SVIL: variants seen among roughly 807,000 people sequenced by gnomAD.
SVIL encodes the protein supervillin.
Under a neutral mutation model 240.4 loss-of-function variants are expected in SVIL, and 101 were observed. The ratio of observed to expected loss-of-function variants is 0.42; its 90% confidence interval spans 0.36 to 0.50. The LOEUF is 0.50. SVIL is among the 20% of genes least tolerant of loss of function. The pLI is 0.01. For missense variants in SVIL, 2,512 were observed against 2,818.7 expected, an observed-to-expected ratio of 0.89 and a Z score of 2.46; for synonymous variants, 999 against 1,100.0, an observed-to-expected ratio of 0.91 and a Z score of 1.82.
At chr10:29,468,625 TATATATATATAC>T (rs200036819) in intron 32 of SVIL, among the ~76,000 whole-genome samples, 1,989 of 151,246 alleles carry the variant, frequency 0.013, 37 homozygotes, top group African/African-American at 0.044. Context: ...ATAGTAGGTG[TATATATATATAC>T]ATATATATAT....
At position 29,530,605 on chromosome 10, in the gene SVIL, A is replaced by C; in HGVS notation, c.2106+2T>G. On this transcript the variant is annotated splice_donor_variant, in intron 11 of 37. Coordinates refer to ENST00000355867, the MANE Select transcript of SVIL (RefSeq NM_021738.3). LOFTEE classifies it high-confidence loss of function. Reference sequence around the variant, plus strand: ...CTATTCAAGCACGTCAGCACAGCTTACCCTGAAAAGCAACCTCTTGGCGGC... The same window carrying C: ...CTATTCAAGCACGTCAGCACAGCTTCCCCTGAAAAGCAACCTCTTGGCGGC... 1 of 1,614,074 alleles carries C rather than the reference A, an allele frequency of 6.2e-7. No homozygotes were observed. Among genetic ancestry groups the C allele is most frequent in the Non-Finnish European group, 8.5e-7 (1 of 1,179,998 alleles).
intron 1 of SVIL, among the ~76,000 whole-genome samples, chr10:29,592,756 A>C (rs2132809539): frequency 6.6e-6 from 1 of 152,326 alleles, no homozygotes; most frequent in East Asian, 1.9e-4. Flanking sequence ...TTTTCAAGCA[A>C]AATCTGTGTG....
At position 29,630,845 on chromosome 10, in the gene SVIL, C is replaced by T. The variant is rs753373243; in HGVS notation, c.-201+3575G>A. Among the ~76,000 whole-genome samples, 7 of 152,140 alleles carry T rather than the reference C, an allele frequency of 4.6e-5. No homozygotes were observed. The South Asian group carries it at 1.0e-3, about 23-fold the overall frequency. On this transcript the variant is annotated intron_variant, in intron 1 of 37. Transcript: ENST00000355867. Reference sequence around the variant, plus strand: ...TACTGGATGGATCACAGCCAAATTTCGATATGAAGAACCCACAAGTCGTTA... The same window carrying T: ...TACTGGATGGATCACAGCCAAATTTTGATATGAAGAACCCACAAGTCGTTA...
chr10:29,615,126 A>C (rs752611148), intron 1 of SVIL, among the ~76,000 whole-genome samples: 1 of 152,156 alleles, frequency 6.6e-6, no homozygotes, highest in African/African-American at 2.4e-5. Context: ...GTCAGACTTG[A>C]GGTTAGCAAA....
chr10:29,660,531 C>T (rs1326454246), intron 2 of SVIL, among the ~76,000 whole-genome samples: 2 of 151,764 alleles, frequency 1.3e-5, no homozygotes, highest in African/African-American at 4.8e-5. Flanking sequence ...TCGCTTGAGC[C>T]TGGGAGGTGG....
intron 1 of SVIL, among the ~76,000 whole-genome samples, chr10:29,577,129 T>A (rs1271261066): frequency 3.9e-5 from 6 of 152,192 alleles, no homozygotes; most frequent in Admixed American, 3.9e-4. Flanking sequence ...TCCACCTGCC[T>A]CGGTTTCCCA....
At chr10:29,694,661 T>C (rs1454451892) in intron 1 of SVIL, among the ~76,000 whole-genome samples, 7 of 152,166 alleles carry the variant, frequency 4.6e-5, no homozygotes, top group Non-Finnish European at 7.3e-5. Context: ...GGTTTTGCTA[T>C]GTTGGCCGGG....
intron 16 of SVIL, 102 bp from the exon 17 acceptor site, chr10:29,512,963 C>G (rs1949954318): frequency 8.3e-6 from 12 of 1,444,422 alleles, no homozygotes; most frequent in Non-Finnish European, 1.0e-5. Context: ...CAAGATATGA[C>G]CACAGCCGCC....
At chr10:29,596,494 G>T (rs1168338484) in intron 1 of SVIL, among the ~76,000 whole-genome samples, 1 of 152,040 alleles carries the variant, frequency 6.6e-6, no homozygotes, top group Non-Finnish European at 1.5e-5. Context: ...AAAATTATTT[G>T]CCTTTGCCCA....
At chr10:29,692,596 T>TTA (rs1254801282) in intron 1 of SVIL, among the ~76,000 whole-genome samples, 8 of 150,866 alleles carry the variant, frequency 5.3e-5, no homozygotes, top group Admixed American at 2.7e-4. Flanking sequence ...TCTCTGAACC[T>TTA]TATATATATA....
chr10:29,679,691 G>A (rs1960480563), intron 2 of SVIL, among the ~76,000 whole-genome samples: 1 of 151,610 alleles, frequency 6.6e-6, no homozygotes, highest in East Asian at 1.9e-4. Context: ...GAGCAGCTGG[G>A]ACCGCAGGCA....
At chr10:29,526,301 C>CTTTTTT (rs1950903617) in intron 13 of SVIL, among the ~76,000 whole-genome samples, 1 of 122,316 alleles carries the variant, frequency 8.2e-6, no homozygotes, top group Non-Finnish European at 1.8e-5. Context: ...CTTTTTTTCT[C>CTTTTTT]TTTCTTTTTT....
chr10:29,650,212 T>C (rs768264294), intron 3 of SVIL, among the ~76,000 whole-genome samples: 64 of 152,188 alleles, frequency 4.2e-4, no homozygotes, highest in Non-Finnish European at 9.0e-4. Flanking sequence ...TTCCAACTAA[T>C]ATTTTCTCAA....
intron 1 of SVIL, among the ~76,000 whole-genome samples, chr10:29,606,296 C>T (rs61849372): frequency 0.23 from 35,109 of 152,108 alleles, 5,177 homozygotes; most frequent in Non-Finnish European, 0.32. Context: ...CCTCCCGCCT[C>T]AGCCTCCCAA....
In SVIL at chr10:29,664,689, T is replaced by TAC. The variant is rs1314703677; in HGVS notation, c.-300-6622_-300-6621insGT. Among the ~76,000 whole-genome samples, 417 of 142,978 alleles carry TAC rather than the reference T, an allele frequency of 2.9e-3. 5 individuals are homozygous for TAC. Among genetic ancestry groups the TAC allele is most frequent in the African/African-American group, 0.011 (383 of 35,124 alleles). The allele number at this position is 142,978 out of a possible 152,430, so 93.8% of individuals were successfully genotyped here. On this transcript the variant is annotated intron_variant, in intron 2 of 35. Coordinates refer to the SVIL transcript ENST00000375400. The stretch of plus-strand genomic sequence containing the variant: ...TATTTCGTAATTTTATATATATATA[T>TAC]ATACACACACACACACACATGCACA...
Position 29,486,498 on chromosome 10 carries a change from A to G in SVIL, c.4545T>C (p.Tyr1515=), listed in dbSNP as rs779098097. Residue 1515 remains tyrosine, a synonymous_variant, in exon 25 of 38, where the codon TAT becomes TAC. Transcript: ENST00000355867. ...TKRELGCRAT[Y]IQTIEEGINT... ...TAATTCCTTCTTCAATGGTTTGGAT[A>G]TAAGTAGCTCTACAACCAAGTTCCC... is the stretch of plus-strand genomic sequence containing the variant. The G allele has an allele frequency of 8.7e-6, 14 of 1,614,108 alleles. No homozygotes were observed. Among genetic ancestry groups the G allele is most frequent in the Non-Finnish European group, 1.0e-5 (12 of 1,180,052 alleles).
chr10:29,604,389 T>TA, intron 1 of SVIL, among the ~76,000 whole-genome samples: 1 of 143,710 alleles, frequency 7.0e-6, no homozygotes, highest in Non-Finnish European at 1.5e-5. Context: ...TTTTTTTTTT[T>TA]TTGGTATTTT....
chr10:29,475,909 A>C (rs879497627), intron 29 of SVIL, among the ~76,000 whole-genome samples: 1 of 152,252 alleles, frequency 6.6e-6, no homozygotes, highest in Non-Finnish European at 1.5e-5. Flanking sequence ...TTAAGTTCTT[A>C]AAAGGTAGGG....
chr10:29,691,994 T>G (rs1333996297), intron 1 of SVIL, among the ~76,000 whole-genome samples: 1 of 152,144 alleles, frequency 6.6e-6, no homozygotes, highest in Non-Finnish European at 1.5e-5. Flanking sequence ...AATAAGCAAC[T>G]GGAAACACAG....
Sources: allele counts gnomAD v4.1 joint callset (sites outside exome capture counted in the v4.1 genomes callset), GRCh38; gene constraint gnomAD v4.1.1; transcripts MANE v1.5; gene names NCBI Gene and HGNC (gene_info 2026-07-23, HGNC 2026-07-21).